LCLAT1: variants seen among roughly 807,000 people sequenced by gnomAD.
The protein encoded by LCLAT1 is lysocardiolipin acyltransferase 1.
Under a neutral mutation model 30.7 loss-of-function variants are expected in LCLAT1, and 11 were observed. The ratio of observed to expected loss-of-function variants is 0.36; its 90% CI spans 0.23 to 0.59. The LOEUF (loss-of-function observed/expected upper bound fraction) is 0.59, where lower values mean the gene tolerates loss of function less well. Ranked by LOEUF, LCLAT1 falls within the 20% of genes least tolerant of loss-of-function variation. The pLI, the probability that LCLAT1 is intolerant of heterozygous loss-of-function variation, is 0.77. For synonymous variants in LCLAT1, 155 were observed against 151.3 expected (o/e 1.02, Z -0.18); for missense variants, 402 against 458.6 (o/e 0.88, Z 1.13).
intron 1 of LCLAT1, among the ~76,000 whole-genome samples, chr2:30,508,499 T>C (rs1197880683): frequency 6.6e-6 from 1 of 152,114 alleles, no homozygotes; most frequent in Non-Finnish European, 1.5e-5. Context: ...AACCATTTAT[T>C]GAATAGGGAG....
At chr2:30,525,956 AG>A (rs1360739723) in intron 2 of LCLAT1, among the ~76,000 whole-genome samples, 6 of 152,200 alleles carry the variant, frequency 3.9e-5, no homozygotes, top group African/African-American at 1.4e-4. Context: ...TGTTATTGTT[AG>A]GGAATTGTAT....
At chr2:30,497,435 T>C (rs1052224478) in intron 1 of LCLAT1, among the ~76,000 whole-genome samples, 5 of 152,248 alleles carry the variant, frequency 3.3e-5, no homozygotes, top group Admixed American at 6.5e-5. Context: ...TGAGTTTTTA[T>C]TAAAAATGTT....
At chr2:30,593,693 G>T (rs1005793597) in intron 5 of LCLAT1, among the ~76,000 whole-genome samples, 1 of 152,058 alleles carries the variant, frequency 6.6e-6, no homozygotes, top group African/African-American at 2.4e-5. Flanking sequence ...AAAGATTCTT[G>T]TAGAAATATG....
chr2:30,475,268 G>T (rs1005080606), intron 1 of LCLAT1, among the ~76,000 whole-genome samples: 5 of 152,100 alleles, frequency 3.3e-5, no homozygotes, highest in African/African-American at 1.2e-4. Context: ...CACAGTTCTG[G>T]GATTACAAAA....
intron 1 of LCLAT1, among the ~76,000 whole-genome samples, chr2:30,449,067 T>C (rs1273174131): frequency 1.3e-5 from 2 of 152,224 alleles, no homozygotes; most frequent in African/African-American, 4.8e-5. Flanking sequence ...CGGATACATT[T>C]ATTATCTTTA....
chr2:30,473,988 A>G (rs1259045793), intron 1 of LCLAT1, among the ~76,000 whole-genome samples: 2 of 152,262 alleles, frequency 1.3e-5, no homozygotes, highest in Non-Finnish European at 2.9e-5. Context: ...ATCAAACAAC[A>G]TCTTACCAAT....
At position 30,573,960 on chromosome 2, in the gene LCLAT1, A is replaced by G. The variant is rs1215079422; in HGVS notation, c.628+5784A>G. Among the ~76,000 whole-genome samples, 4 of 152,038 alleles carry G rather than the reference A, an allele frequency of 2.6e-5. No homozygotes were observed. The South Asian group carries it at 6.2e-4, about 24-fold the overall frequency. On this transcript the variant is annotated intron_variant, in intron 5 of 5. Transcript: ENST00000379509. Reference sequence around the variant, plus strand: ...GCAGTGCCCCAGCCTGGTTAAGATGACGAAACCCCATCTCTACTAAAAATA... The same window carrying G: ...GCAGTGCCCCAGCCTGGTTAAGATGGCGAAACCCCATCTCTACTAAAAATA...
chr2:30,642,478 C>G lies in LCLAT1; in HGVS notation c.*1859C>G, dbSNP rs1410755812. On this transcript the variant is annotated 3_prime_UTR_variant, in exon 6 of 6. Coordinates refer to ENST00000379509, the MANE Select transcript of LCLAT1 (RefSeq NM_001002257.3). Reference sequence around the variant, plus strand: ...TAAAAGAGGTTTCTAATTTATGTTTCTCTAAGATTTCCTTTGGTTGTATTT... The same window carrying G: ...TAAAAGAGGTTTCTAATTTATGTTTGTCTAAGATTTCCTTTGGTTGTATTT... 6.9e-6 allele frequency: 1 copy of G among 144,970 alleles called. No homozygotes were observed. Among genetic ancestry groups the G allele is most frequent in the Non-Finnish European group, 1.5e-5 (1 of 65,758 alleles). 9.0% of individuals were successfully genotyped at this position (144,970 alleles called of 1,614,324 possible).
chr2:30,607,231 T>A (rs1415353915), intron 5 of LCLAT1: 1 of 152,104 alleles, frequency 6.6e-6, no homozygotes, highest in Admixed American at 6.5e-5. Flanking sequence ...AGAGACAGGG[T>A]TTCACCATGT....
intron 1 of LCLAT1, among the ~76,000 whole-genome samples, chr2:30,519,049 C>T (rs1685339011): frequency 6.6e-6 from 1 of 152,234 alleles, no homozygotes; most frequent in Non-Finnish European, 1.5e-5. Flanking sequence ...CAAAGGCTTA[C>T]CTCTACTCAC....
At chr2:30,566,610 A>C (rs1176501495) in intron 4 of LCLAT1, among the ~76,000 whole-genome samples, 2 of 152,156 alleles carry the variant, frequency 1.3e-5, no homozygotes. Context: ...ACTCCTAGTA[A>C]AGTTGTGTCG....
intron 3 of LCLAT1, among the ~76,000 whole-genome samples, chr2:30,547,915 G>A (rs1032488574): frequency 1.3e-5 from 2 of 151,948 alleles, no homozygotes; most frequent in African/African-American, 4.8e-5. Flanking sequence ...TGATTTACTC[G>A]TTCAGTAAAT....
At chr2:30,542,313 C>G (rs1451346359) in intron 3 of LCLAT1, among the ~76,000 whole-genome samples, 1 of 152,062 alleles carries the variant, frequency 6.6e-6, no homozygotes, top group African/African-American at 2.4e-5. Flanking sequence ...AATGGTCTTA[C>G]TTCTTAACTT....
At chr2:30,578,819 T>G (rs1666097789) in intron 5 of LCLAT1, among the ~76,000 whole-genome samples, 1 of 152,158 alleles carries the variant, frequency 6.6e-6, no homozygotes, top group Non-Finnish European at 1.5e-5. Flanking sequence ...AATTGAACAC[T>G]TTTTTTCTAG....
rs1173163055 is a variant in LCLAT1 at position 30,568,100 on chromosome 2, T to A, written c.552T>A (p.Asn184Lys). ...KSRSNAFAEK[N>K]GLQKYEYVLH... is the part of the protein sequence containing the mutation. The stretch of plus-strand genomic sequence containing the variant: ...GAAGTAATGCATTTGCTGAAAAAAA[T>A]GGACTTCAGAAATATGAATATGTTT... Residue 184 changes from asparagine to lysine, a missense_variant, in exon 5 of 6, where the codon AAT becomes AAA. Physicochemically the swap from Asn to Lys is moderately conservative, Grantham distance 94. Transcript: ENST00000379509. The A allele has an allele frequency of 5.0e-6, 8 of 1,607,230 alleles. No individual in the cohort carries two copies. The Admixed American group carries it at 8.4e-5, about 17-fold the overall frequency.
chr2:30,582,972 T>G (rs1047115005), intron 5 of LCLAT1, among the ~76,000 whole-genome samples: 3 of 152,238 alleles, frequency 2.0e-5, no homozygotes, highest in African/African-American at 7.2e-5. Context: ...TTTTATGACT[T>G]CAGAACTTTT....
At chr2:30,493,912 A>G (rs753802070) in intron 1 of LCLAT1, among the ~76,000 whole-genome samples, 1 of 152,208 alleles carries the variant, frequency 6.6e-6, no homozygotes, top group Non-Finnish European at 1.5e-5. Context: ...CAACAATTTC[A>G]GAGGCCGAGG....
At chr2:30,625,201 A>G (rs1435630096) in intron 5 of LCLAT1, among the ~76,000 whole-genome samples, 1 of 152,188 alleles carries the variant, frequency 6.6e-6, no homozygotes, top group Admixed American at 6.5e-5. Context: ...AACAAGAACC[A>G]AACTCAAACC....
chr2:30,618,474 T>G (rs1043253930), intron 5 of LCLAT1, among the ~76,000 whole-genome samples: 2 of 152,206 alleles, frequency 1.3e-5, no homozygotes, highest in Admixed American at 6.5e-5. Context: ...TTATAAAATT[T>G]ACAAGTGTTT....
Sources: gnomAD v4.1 joint callset for allele counts (sites outside exome capture counted in the v4.1 genomes callset) on GRCh38, gnomAD v4.1.1 for gene constraint, MANE v1.5 for transcripts, NCBI Gene and HGNC (gene_info 2026-07-23, HGNC 2026-07-21) for gene names.